DRD3: variants seen among roughly 807,000 people sequenced by gnomAD.
DRD3 encodes the protein D(3) dopamine receptor.
In DRD3, 19 loss-of-function variants were observed where a neutral mutation model predicts 36.3. That is an observed-to-expected ratio of 0.52 (90% CI 0.36 to 0.77). The LOEUF (loss-of-function observed/expected upper bound fraction) is 0.77, where lower values mean the gene tolerates loss of function less well. Ranked by LOEUF, DRD3 falls within the 30% of genes least tolerant of loss-of-function variation. The pLI, the probability that DRD3 is intolerant of heterozygous loss-of-function variation, is 0.00. For synonymous variants in DRD3, 195 were observed against 203.7 expected (o/e 0.96, Z 0.36); for missense variants, 465 against 505.3 (o/e 0.92, Z 0.77).
rs1452093188 is a variant in DRD3 at position 114,175,963 on chromosome 3, G to T, written c.-36+2694C>A. 2.0e-5 allele frequency: 3 copies of T among 152,150 alleles called. No individual in the cohort carries two copies. In the East Asian group the frequency reaches 5.8e-4, roughly 29 times the overall value. 9.4% of individuals were successfully genotyped at this position (152,150 alleles called of 1,614,324 possible). On this transcript the variant is annotated intron_variant, in intron 1 of 6. Coordinates refer to ENST00000383673, the MANE Select transcript of DRD3 (RefSeq NM_000796.6). Reference sequence around the variant, plus strand: ...GCTTTTAAATGCCTTACAAAGTATTGATTTATCTTGGTCTTTATAGTTTGT... The same window carrying T: ...GCTTTTAAATGCCTTACAAAGTATTTATTTATCTTGGTCTTTATAGTTTGT...
intron 4 of DRD3, among the ~76,000 whole-genome samples, chr3:114,140,855 G>A (rs2077517786): frequency 6.6e-6 from 1 of 152,166 alleles, no homozygotes; most frequent in South Asian, 2.1e-4. Context: ...GTTGGCCTTG[G>A]AAGATGAAGC....
chr3:114,151,176 C>T (rs907023168), intron 3 of DRD3, among the ~76,000 whole-genome samples: 1 of 152,180 alleles, frequency 6.6e-6, no homozygotes, highest in African/African-American at 2.4e-5. Context: ...GAGCTTTAGA[C>T]TCTGCCGGGG....
At chr3:114,133,942 G>A (rs1163752827) in intron 5 of DRD3, among the ~76,000 whole-genome samples, 2 of 152,120 alleles carry the variant, frequency 1.3e-5, no homozygotes, top group Admixed American at 1.3e-4. Flanking sequence ...TGTGAAGCAG[G>A]GAGACTTCAG....
upstream of DRD3, among the ~76,000 whole-genome samples, chr3:114,182,338 A>T (rs1289170561): frequency 2.6e-5 from 4 of 152,192 alleles, no homozygotes; most frequent in Non-Finnish European, 5.9e-5. Context: ...ATTATTATCT[A>T]ATATTGAGCA....
At position 114,128,781 on chromosome 3, in the gene DRD3, G is replaced by T; in HGVS notation, c.1138C>A (p.Pro380Thr). The change falls in exon 7 of 7, where the codon CCT (proline) becomes ACT (threonine). Residue 380 changes from proline to threonine, a missense_variant. Pro to Thr is a conservative substitution (Grantham distance 38). Coordinates refer to ENST00000383673, the MANE Select transcript of DRD3 (RefSeq NM_000796.6). ...WLGYVNSALN[P>T]VIYTTFNIEF... ...ATATTGAAGGTGGTATAGATCACAGGGTTGAGGGCGCTATTCACGTAGCCC... is the reference window on the plus strand; with the variant it reads ...ATATTGAAGGTGGTATAGATCACAGTGTTGAGGGCGCTATTCACGTAGCCC... 1 of 1,613,892 alleles carries T rather than the reference G, an allele frequency of 6.2e-7. No homozygotes were observed. Among genetic ancestry groups the T allele is most frequent in the Non-Finnish European group, 8.5e-7 (1 of 1,179,936 alleles).
chr3:114,159,952 C>T lies in DRD3; in HGVS notation c.271-85G>A, dbSNP rs920334839. 2.0e-4 allele frequency: 239 copies of T among 1,195,502 alleles called. 1 individual carries two copies. Among genetic ancestry groups the T allele is most frequent in the Middle Eastern group, 1.5e-3 (8 of 5,270 alleles). 74.1% of individuals were successfully genotyped at this position (1,195,502 alleles called of 1,614,324 possible). A position where few individuals can be genotyped will look rare whatever the true frequency, so the allele number is the denominator to read the frequency against. ...GGCCCTATTTTCTTTGCTTTGCTGC[C>T]TAGTGTAGATGTTGGCACTCCTACT... On this transcript the variant is annotated intron_variant, in intron 2 of 6. Transcript: ENST00000383673.
intron 2 of DRD3, among the ~76,000 whole-genome samples, chr3:114,170,437 T>G (rs186312032): frequency 6.6e-6 from 1 of 152,294 alleles, no homozygotes; most frequent in Non-Finnish European, 1.5e-5. Flanking sequence ...CTAATTGGGT[T>G]GACAGAAAAA....
intron 1 of DRD3, among the ~76,000 whole-genome samples, chr3:114,194,038 A>G (rs915714791): frequency 6.6e-6 from 1 of 152,190 alleles, no homozygotes; most frequent in Admixed American, 6.5e-5. Context: ...ATGTGCTCTG[A>G]TTTTTAATTC....
chr3:114,152,992 C>T (rs902836098), intron 3 of DRD3, among the ~76,000 whole-genome samples: 1 of 152,238 alleles, frequency 6.6e-6, no homozygotes, highest in African/African-American at 2.4e-5. Context: ...AGCCAGGGAC[C>T]CTCCCCTTGT....
chr3:114,138,126 G>T (rs2077491283), intron 5 of DRD3, among the ~76,000 whole-genome samples: 1 of 137,378 alleles, frequency 7.3e-6, no homozygotes. Flanking sequence ...CTGAGATCAT[G>T]TCACTGCACT....
chr3:114,137,944 GC>G (rs2077488997), intron 5 of DRD3, among the ~76,000 whole-genome samples: 1 of 141,872 alleles, frequency 7.0e-6, no homozygotes, highest in Admixed American at 7.6e-5. Flanking sequence ...CTTGCAGTGA[GC>G]TGAGATTGCG....
chr3:114,129,915 G>A (rs1420180555), intron 6 of DRD3, among the ~76,000 whole-genome samples: 2 of 152,116 alleles, frequency 1.3e-5, no homozygotes, highest in South Asian at 2.1e-4. Flanking sequence ...AAAATTAGCC[G>A]GGTGTGGTAG....
chr3:114,185,273 T>G (rs1054464494), intron 1 of DRD3, among the ~76,000 whole-genome samples: 1 of 152,244 alleles, frequency 6.6e-6, no homozygotes, highest in African/African-American at 2.4e-5. Context: ...CCTATGTCTT[T>G]TAGGCTCTGT....
chr3:114,182,812 A>G (rs2077955413), upstream of DRD3, among the ~76,000 whole-genome samples: 1 of 152,162 alleles, frequency 6.6e-6, no homozygotes, highest in South Asian at 2.1e-4. Flanking sequence ...ATTCATTGAT[A>G]TTGAAGTATA....
intron 3 of DRD3, among the ~76,000 whole-genome samples, chr3:114,152,877 T>C (rs1442277222): frequency 6.6e-6 from 1 of 152,264 alleles, no homozygotes; most frequent in African/African-American, 2.4e-5. Flanking sequence ...AGAGAGAGGC[T>C]TGGCCCAGGG....
At chr3:114,195,834 C>T (rs369671563) in intron 1 of DRD3, among the ~76,000 whole-genome samples, 13 of 152,152 alleles carry the variant, frequency 8.5e-5, no homozygotes, top group South Asian at 2.1e-4. Context: ...TGGGGAGATC[C>T]GGCTTGACAA....
At chr3:114,171,583 A>G in intron 2 of DRD3, 140 bp downstream of exon 2, 2 of 1,130,380 alleles carry the variant, frequency 1.8e-6, no homozygotes, top group Non-Finnish European at 2.4e-6. Flanking sequence ...TAACTCTCTC[A>G]TTACAGGGAG....
chr3:114,175,920 A>T (rs2077894240), intron 1 of DRD3: 3 of 152,216 alleles, frequency 2.0e-5, no homozygotes, highest in African/African-American at 7.2e-5. Flanking sequence ...ATATAACACT[A>T]CTTACACATT....
At chr3:114,153,531 C>T (rs2077637587) in intron 3 of DRD3, among the ~76,000 whole-genome samples, 1 of 152,206 alleles carries the variant, frequency 6.6e-6, no homozygotes, top group South Asian at 2.1e-4. Context: ...TTTAATCCTC[C>T]TAACAACCCT....
Sources: allele counts gnomAD v4.1 joint callset (sites outside exome capture counted in the v4.1 genomes callset), GRCh38; gene constraint gnomAD v4.1.1; transcripts MANE v1.5; gene names NCBI Gene and HGNC (gene_info 2026-07-23, HGNC 2026-07-21).